ANKS3: variants seen among roughly 807,000 people sequenced by gnomAD.
The protein encoded by ANKS3 is ankyrin repeat and SAM domain-containing protein 3.
Under a neutral mutation model 80.7 loss-of-function variants are expected in ANKS3, and 62 were observed. The observed-to-expected ratio is 0.77, with a 90% confidence interval of 0.63 to 0.95. The LOEUF is 0.95. Ranked by LOEUF, ANKS3 falls within the 40% of genes least tolerant of loss-of-function variation. The pLI, the probability that ANKS3 is intolerant of heterozygous loss-of-function variation, is 0.00. For synonymous variants in ANKS3, 489 were observed against 355.3 expected (o/e 1.38, Z -4.23); for missense variants, 1,150 against 883.6 (o/e 1.30, Z -3.82).
At chr16:4,708,077 G>C (rs1486007548) in intron 7 of ANKS3, among the ~76,000 whole-genome samples, 2 of 151,776 alleles carry the variant, frequency 1.3e-5, no homozygotes, top group Admixed American at 6.6e-5. Flanking sequence ...ATCGCACTTG[G>C]GCACTCCAGC....
At chr16:4,733,700 C>A (rs982857226) in intron 1 of ANKS3, among the ~76,000 whole-genome samples, 10 of 152,174 alleles carry the variant, frequency 6.6e-5, no homozygotes, top group African/African-American at 2.4e-4. Context: ...TTATTACGAA[C>A]TGCATGCCTG....
intron 7 of ANKS3, among the ~76,000 whole-genome samples, chr16:4,710,757 G>T (rs762195040): frequency 6.6e-6 from 1 of 152,096 alleles, no homozygotes; most frequent in African/African-American, 2.4e-5. Flanking sequence ...AATAACAGGA[G>T]AAAATAACCA....
At chr16:4,721,292 A>C (rs1596428912) in intron 6 of ANKS3, among the ~76,000 whole-genome samples, 1 of 148,504 alleles carries the variant, frequency 6.7e-6, no homozygotes, top group East Asian at 2.0e-4. Context: ...GCAACAGAGC[A>C]AGACGCCATC....
rs755122783 is a variant in ANKS3 at position 4,697,009 on chromosome 16, A to T, written c.*11+8T>A. On this transcript the variant is annotated splice_region_variant and intron_variant, in intron 17 of 17. Transcript: ENST00000304283. Reference sequence around the variant, plus strand: ...CACCACGCGGGATCCAGGCTGGCAGACACTCACCGGCCCGCAGGCTAGGTC... The same window carrying T: ...CACCACGCGGGATCCAGGCTGGCAGTCACTCACCGGCCCGCAGGCTAGGTC... The T allele has an allele frequency of 8.1e-6, 13 of 1,611,450 alleles. No homozygotes were observed. The highest frequency in any genetic ancestry group is 1.7e-4 in the Middle Eastern group (1 of 5,960).
chr16:4,715,501 C>G (rs2080747210), intron 6 of ANKS3, among the ~76,000 whole-genome samples: 1 of 152,152 alleles, frequency 6.6e-6, no homozygotes, highest in African/African-American at 2.4e-5. Context: ...GAGGCTGAGG[C>G]AGGAGGATCA....
At chr16:4,709,679 G>C (rs1443149643) in intron 7 of ANKS3, among the ~76,000 whole-genome samples, 2 of 152,198 alleles carry the variant, frequency 1.3e-5, no homozygotes, top group African/African-American at 4.8e-5. Flanking sequence ...AAGCCTGGAA[G>C]AGACTATGTT....
chr16:4,705,778 T>C (rs757378902), intron 7 of ANKS3, among the ~76,000 whole-genome samples: 2 of 152,066 alleles, frequency 1.3e-5, no homozygotes, highest in African/African-American at 2.4e-5. Context: ...ATTATCTCTG[T>C]TGGGGTTTGC....
rs987783005 is a variant in ANKS3 at position 4,701,912 on chromosome 16, C to T, written c.1009+190G>A. 245 of 701,986 alleles carry T rather than the reference C, an allele frequency of 3.5e-4. 2 individuals are homozygous for T. The highest frequency in any genetic ancestry group is 3.9e-4 in the Admixed American group (12 of 30,810). 43.5% of individuals were successfully genotyped at this position (701,986 alleles called of 1,614,324 possible). On this transcript the variant is annotated intron_variant, in intron 9 of 17. Coordinates refer to ENST00000304283, the MANE Select transcript of ANKS3 (RefSeq NM_133450.4). ...TTGCTGTGGAACGGCTCCCTTAAGC[C>T]GCACGGGGATGCTGGACCAGAAGCT...
intron 5 of ANKS3, 56 bp downstream of exon 5, chr16:4,726,603 T>G (rs2081365366): frequency 6.3e-7 from 1 of 1,581,476 alleles, no homozygotes; most frequent in Non-Finnish European, 8.7e-7. Flanking sequence ...GCCACCCTCC[T>G]TAGAGTCAGA....
At chr16:4,729,785 T>C (rs1426360156) in intron 3 of ANKS3, 195 bp downstream of exon 3, 3 of 472,604 alleles carry the variant, frequency 6.3e-6, no homozygotes, top group Non-Finnish European at 1.1e-5. Flanking sequence ...CTCCCTCTTT[T>C]TCTTCCTAGG....
At chr16:4,709,107 T>G (rs2080352523) in intron 7 of ANKS3, among the ~76,000 whole-genome samples, 1 of 151,684 alleles carries the variant, frequency 6.6e-6, no homozygotes, top group Non-Finnish European at 1.5e-5. Context: ...CTCTATTTTT[T>G]TTAATAGAAG....
chr16:4,714,001 C>G (rs1596395923), intron 7 of ANKS3, 50 bp downstream of exon 7: 1 of 1,601,702 alleles, frequency 6.2e-7, no homozygotes, highest in Non-Finnish European at 8.5e-7. Context: ...TCACCTAAAG[C>G]TCAAGGCAAC....
intron 3 of ANKS3, among the ~76,000 whole-genome samples, chr16:4,728,259 A>G (rs2081455506): frequency 6.6e-6 from 1 of 152,068 alleles, no homozygotes; most frequent in Non-Finnish European, 1.5e-5. Context: ...GTTAGCCAGG[A>G]TGGTCTCGAT....
In ANKS3 at chr16:4,720,992, A is replaced by T. The variant is rs1458022642; in HGVS notation, c.573+3758T>A. ...CTGATTCATCCCTACAGGGAATACCATGCCACCATAAAAAAAAAAAAAAAA... is the reference window on the plus strand; with the variant it reads ...CTGATTCATCCCTACAGGGAATACCTTGCCACCATAAAAAAAAAAAAAAAA... On this transcript the variant is annotated intron_variant, in intron 6 of 17. Transcript: ENST00000304283. Among the ~76,000 whole-genome samples the T allele has an allele frequency of 1.0e-4, 14 of 137,304 alleles. 1 individual carries two copies. 90.1% of individuals were successfully genotyped at this position (137,304 alleles called of 152,430 possible).
At chr16:4,706,478 G>A (rs146919623) in intron 7 of ANKS3, among the ~76,000 whole-genome samples, 350 of 152,172 alleles carry the variant, frequency 2.3e-3, no homozygotes, top group African/African-American at 7.7e-3. Flanking sequence ...CTTGTGATCC[G>A]CCCACCTTGG....
At chr16:4,721,080 C>A (rs757008641) in intron 6 of ANKS3, among the ~76,000 whole-genome samples, 1 of 148,612 alleles carries the variant, frequency 6.7e-6, no homozygotes, top group African/African-American at 2.5e-5. Context: ...CCAAGGTGGG[C>A]GGATCACGAG....
At chr16:4,700,817 C>T in intron 11 of ANKS3, 153 bp downstream of exon 11, 2 of 1,018,156 alleles carry the variant, frequency 2.0e-6, no homozygotes, top group Non-Finnish European at 3.1e-6. Context: ...ATGGAGCCGG[C>T]TGTGAGCCTG....
intron 7 of ANKS3, among the ~76,000 whole-genome samples, chr16:4,711,098 ATTTT>A (rs35899381): frequency 9.6e-6 from 1 of 104,470 alleles, no homozygotes; most frequent in African/African-American, 3.7e-5. Context: ...CTGAAACAGA[ATTTT>A]TTTTTTTTTT....
chr16:4,706,884 C>G (rs1211054452), intron 7 of ANKS3, among the ~76,000 whole-genome samples: 1 of 152,148 alleles, frequency 6.6e-6, no homozygotes, highest in South Asian at 2.1e-4. Flanking sequence ...AGGAGCTGCT[C>G]GCTCAGGTGC....
Sources: allele counts gnomAD v4.1 joint callset (sites outside exome capture counted in the v4.1 genomes callset), GRCh38; gene constraint gnomAD v4.1.1; transcripts MANE v1.5; gene names NCBI Gene and HGNC (gene_info 2026-07-23, HGNC 2026-07-21).